Variants in KCNMB2 observed in about 807,000 individuals in gnomAD.
KCNMB2 encodes potassium calcium-activated channel subfamily M regulatory beta subunit 2.
Under a neutral mutation model 24.5 loss-of-function variants are expected in KCNMB2, and 9 were observed. The observed-to-expected ratio is 0.37, with a 90% CI of 0.22 to 0.64. KCNMB2 has a LOEUF of 0.64. KCNMB2 is among the 30% of genes least tolerant of loss of function. The probability of loss-of-function intolerance (pLI) is 0.63; values close to 1 mark genes in which losing one functional copy is unlikely to be tolerated. For missense variants in KCNMB2, 226 were observed against 284.3 expected, an observed-to-expected ratio of 0.79 and a Z score of 1.47; for synonymous variants, 109 against 104.4, an observed-to-expected ratio of 1.04 and a Z score of -0.27.
In KCNMB2 at chr3:178,807,417, T is replaced by C. The variant is rs1303674422; in HGVS notation, c.8T>C (p.Ile3Thr). The C allele has an allele frequency of 2.5e-6, 4 of 1,613,778 alleles. No homozygotes were observed. Among genetic ancestry groups the C allele is most frequent in the Non-Finnish European group, 3.4e-6 (4 of 1,179,714 alleles). MF[I>T]WTSGRTSSSY... ...GGACCAACATTCTCTAAGATGTTTATATGGACCAGTGGCCGGACCTCTTCA... is the reference window on the plus strand; with the variant it reads ...GGACCAACATTCTCTAAGATGTTTACATGGACCAGTGGCCGGACCTCTTCA... The change falls in exon 2 of 5, where the codon ATA (isoleucine) becomes ACA (threonine). Residue 3 changes from isoleucine to threonine, a missense_variant. Ile to Thr is a moderately conservative substitution (Grantham distance 89). Transcript: ENST00000452583.
At chr3:178,701,253 G>A (rs1210333595) in intron 1 of KCNMB2, among the ~76,000 whole-genome samples, 2 of 152,168 alleles carry the variant, frequency 1.3e-5, no homozygotes, top group Non-Finnish European at 2.9e-5. Flanking sequence ...GTTTGTCAAA[G>A]ATGAGACAGC....
intron 1 of KCNMB2, among the ~76,000 whole-genome samples, chr3:178,589,856 C>T (rs568973364): frequency 1.3e-5 from 2 of 152,234 alleles, no homozygotes; most frequent in East Asian, 3.9e-4. Flanking sequence ...TCAATAAATA[C>T]TTGTGGGTTA....
At chr3:178,773,933 G>A (rs924483655) in intron 1 of KCNMB2, among the ~76,000 whole-genome samples, 1 of 152,194 alleles carries the variant, frequency 6.6e-6, no homozygotes, top group African/African-American at 2.4e-5. Flanking sequence ...GACACACTGG[G>A]TAATTTACAA....
chr3:178,792,502 A>C (rs983447239), intron 1 of KCNMB2, among the ~76,000 whole-genome samples: 8 of 152,220 alleles, frequency 5.3e-5, no homozygotes, highest in South Asian at 2.1e-4. Context: ...GAAAAGAAGG[A>C]AGAAAGAGAA....
intron 1 of KCNMB2, among the ~76,000 whole-genome samples, chr3:178,656,897 G>T (rs1264641424): frequency 6.6e-6 from 1 of 152,070 alleles, no homozygotes; most frequent in Admixed American, 6.6e-5. Flanking sequence ...GGGTAGGGGG[G>T]TGGTAAAGGA....
At chr3:178,773,985 G>C (rs542516577) in intron 1 of KCNMB2, among the ~76,000 whole-genome samples, 81 of 152,338 alleles carry the variant, frequency 5.3e-4, no homozygotes, top group African/African-American at 1.9e-3. Context: ...AGACTGGGAA[G>C]TCCATGAAGA....
At chr3:178,657,437 C>A (rs1025244339) in intron 1 of KCNMB2, among the ~76,000 whole-genome samples, 2 of 152,200 alleles carry the variant, frequency 1.3e-5, no homozygotes, top group African/African-American at 4.8e-5. Flanking sequence ...TGACCTTGTT[C>A]AAGCTATGCC....
At chr3:178,591,224 A>G (rs1373853702) in intron 1 of KCNMB2, among the ~76,000 whole-genome samples, 2 of 152,182 alleles carry the variant, frequency 1.3e-5, no homozygotes, top group East Asian at 1.9e-4. Context: ...TACATAATCA[A>G]TACTCAATGG....
At chr3:178,703,385 G>A (rs537167764) in intron 1 of KCNMB2, among the ~76,000 whole-genome samples, 117 of 152,126 alleles carry the variant, frequency 7.7e-4, no homozygotes, top group African/African-American at 2.6e-3. Context: ...GAAGTGGCTA[G>A]ATAAAGGGGA....
At chr3:178,658,231 T>C (rs1349906172) in intron 1 of KCNMB2, among the ~76,000 whole-genome samples, 3 of 152,196 alleles carry the variant, frequency 2.0e-5, no homozygotes, top group African/African-American at 7.2e-5. Flanking sequence ...AAACTTAAGA[T>C]CTTGTCAAAA....
At chr3:178,563,823 A>G (rs376568725) in intron 1 of KCNMB2, among the ~76,000 whole-genome samples, 2 of 152,180 alleles carry the variant, frequency 1.3e-5, no homozygotes, top group East Asian at 3.9e-4. Context: ...AGGATCTGCA[A>G]TCTCTCAGAG....
At chr3:178,541,141 A>G (rs1381148867) in intron 1 of KCNMB2, among the ~76,000 whole-genome samples, 1 of 152,218 alleles carries the variant, frequency 6.6e-6, no homozygotes, top group African/African-American at 2.4e-5. Context: ...AAGGAAATTT[A>G]TCAAGATGGT....
rs540033498 is a variant in KCNMB2 at position 178,816,727 on chromosome 3, T to C, written c.57-8861T>C. Among the ~76,000 whole-genome samples the C allele has an allele frequency of 7.2e-5, 11 of 152,290 alleles. No individual in the cohort carries two copies. The South Asian group carries it at 2.1e-3, about 29-fold the overall frequency. ...TTAATTTTTGCTGGACTTTATTCTA[T>C]GACCCATGAGTTCTTTGTACTATGG... is the stretch of plus-strand genomic sequence containing the variant. On this transcript the variant is annotated intron_variant, in intron 2 of 4. Transcript: ENST00000452583.
intron 1 of KCNMB2, among the ~76,000 whole-genome samples, chr3:178,544,490 G>A (rs1217311058): frequency 6.6e-6 from 1 of 152,130 alleles, no homozygotes; most frequent in Non-Finnish European, 1.5e-5. Context: ...GATGATCCTG[G>A]GTGAGAATTT....
intron 1 of KCNMB2, among the ~76,000 whole-genome samples, chr3:178,792,406 T>C (rs1013629840): frequency 1.3e-5 from 2 of 152,050 alleles, no homozygotes; most frequent in African/African-American, 4.8e-5. Context: ...TCAAAAAACC[T>C]ACCACAGATA....
chr3:178,662,591 T>C (rs572559529), intron 1 of KCNMB2, among the ~76,000 whole-genome samples: 183 of 152,098 alleles, frequency 1.2e-3, no homozygotes, highest in Non-Finnish European at 2.3e-3. Flanking sequence ...TTAGAAAACA[T>C]TTGCTTGTCA....
intron 1 of KCNMB2, among the ~76,000 whole-genome samples, chr3:178,652,224 A>G (rs945779737): frequency 2.0e-5 from 3 of 152,154 alleles, no homozygotes; most frequent in African/African-American, 7.2e-5. Context: ...ACGAATTTAC[A>G]TGAAAAAAAC....
At position 178,759,817 on chromosome 3, in the gene KCNMB2, T is replaced by C. The variant is rs865825721; in HGVS notation, c.-67-47526T>C. 1.1e-4 allele frequency among the ~76,000 whole-genome samples: 2 copies of C among 18,590 alleles called. 1 individual carries two copies. Among genetic ancestry groups the C allele is most frequent in the African/African-American group, 5.0e-4 (2 of 4,006 alleles). The allele number at this position is 18,590 out of a possible 152,430, so 12.2% of individuals were successfully genotyped here. A position where few individuals can be genotyped will look rare whatever the true frequency, so the allele number is the denominator to read the frequency against. ...ATATATCCAAGAGGATATATCTATATATATATATATCCAAGAGGATATATC... is the reference window on the plus strand; with the variant it reads ...ATATATCCAAGAGGATATATCTATACATATATATATCCAAGAGGATATATC... On this transcript the variant is annotated intron_variant, in intron 1 of 4. Transcript: ENST00000452583.
At chr3:178,635,150 GT>G (rs1347159962) in intron 1 of KCNMB2, among the ~76,000 whole-genome samples, 1 of 152,144 alleles carries the variant, frequency 6.6e-6, no homozygotes, top group Non-Finnish European at 1.5e-5. Flanking sequence ...GCAATGCCCA[GT>G]GCACAAAGAT....
Sources: allele counts gnomAD v4.1 joint callset (sites outside exome capture counted in the v4.1 genomes callset), GRCh38; gene constraint gnomAD v4.1.1; transcripts MANE v1.5; gene names NCBI Gene and HGNC (gene_info 2026-07-23, HGNC 2026-07-21).